MAST4: variants seen among roughly 807,000 people sequenced by gnomAD.
MAST4 encodes the protein microtubule associated serine/threonine kinase family member 4.
MAST4 carries 89 observed loss-of-function variants against 162.7 expected under a neutral mutation model. That is an observed-to-expected ratio of 0.55 (90% CI 0.46 to 0.65). The LOEUF is 0.65. Among genes scored for constraint, MAST4 ranks in the 30% least tolerant of loss-of-function variants. The pLI, the probability that MAST4 is intolerant of heterozygous loss-of-function variation, is 0.00. For synonymous variants in MAST4, 1,479 were observed against 1,361.1 expected (o/e 1.09, Z -1.91); for missense variants, 3,153 against 3,374.0 (o/e 0.93, Z 1.62).
At chr5:66,891,506 T>C (rs459536) in intron 3 of MAST4, among the ~76,000 whole-genome samples, 71,009 of 151,946 alleles carry the variant, frequency 0.47, 16,956 homozygotes, top group East Asian at 0.67. Context: ...TTCCCCTCTT[T>C]AAAATGTTCC....
In MAST4 at chr5:67,166,742, G is replaced by C. The variant is rs369646033; in HGVS notation, c.7563G>C (p.Leu2521=). ...CCCACATGACAAAGAGTGACTCCCTGCCCTCCTTCCGGGTCTCCACCCTGC... is the reference window on the plus strand; with the variant it reads ...CCCACATGACAAAGAGTGACTCCCTCCCCTCCTTCCGGGTCTCCACCCTGC... ...GRTHMTKSDS[L]PSFRVSTLPL... The change falls in exon 29 of 29, where the codon CTG becomes CTC. Residue 2521 remains leucine (L), a synonymous_variant. Transcript: ENST00000403625. 2.4e-5 allele frequency: 38 copies of C among 1,592,350 alleles called. No individual in the cohort carries two copies. The highest frequency in any genetic ancestry group is 1.4e-4 in the Admixed American group (8 of 56,758).
At position 67,145,257 on chromosome 5, in the gene MAST4, C is replaced by A. The variant is rs767103845; in HGVS notation, c.2972C>A (p.Ala991Asp). The change falls in exon 23 of 29, where the codon GCC becomes GAC. Residue 991 changes from alanine to aspartate, a missense_variant. Ala to Asp is a moderately radical substitution (Grantham distance 126). Transcript: ENST00000403625. ...ACAGAGGGAGAGCAAGATGAAGCTG[C>A]CTCCTGCCCTGGAGACCCCCATGAG... Reference protein sequence around the residue: ...ISTEGEQDEAASCPGDPHEEP... With the variant: ...ISTEGEQDEADSCPGDPHEEP... 1.9e-6 allele frequency: 3 copies of A among 1,613,922 alleles called. No individual in the cohort carries two copies.
chr5:66,699,921 A>C (rs1749657091), intron 1 of MAST4, among the ~76,000 whole-genome samples: 1 of 152,184 alleles, frequency 6.6e-6, no homozygotes, highest in African/African-American at 2.4e-5. Flanking sequence ...GGAACTTAAA[A>C]AAAAAAACAA....
chr5:66,994,296 T>G (rs1317100689), intron 4 of MAST4, among the ~76,000 whole-genome samples: 1 of 152,230 alleles, frequency 6.6e-6, no homozygotes, highest in Non-Finnish European at 1.5e-5. Flanking sequence ...TTTTCCAATC[T>G]GGTGTATTTT....
intron 4 of MAST4, among the ~76,000 whole-genome samples, chr5:67,050,561 CTG>C (rs1758049185): frequency 6.6e-6 from 1 of 152,186 alleles, no homozygotes; most frequent in African/African-American, 2.4e-5. Context: ...AGTTATCTTT[CTG>C]TGTCTCATAG....
At chr5:66,782,510 C>G (rs146056336) in intron 2 of MAST4, among the ~76,000 whole-genome samples, 276 of 152,310 alleles carry the variant, frequency 1.8e-3, no homozygotes, top group Non-Finnish European at 2.0e-3. Context: ...CAACCCACAC[C>G]TCTATGGTTG....
At chr5:66,910,047 T>C (rs1763644122) in intron 4 of MAST4, among the ~76,000 whole-genome samples, 1 of 152,192 alleles carries the variant, frequency 6.6e-6, no homozygotes, top group South Asian at 2.1e-4. Flanking sequence ...TATTAGAGCA[T>C]GAGAACAGAC....
intron 4 of MAST4, among the ~76,000 whole-genome samples, chr5:66,927,205 G>C (rs1228076528): frequency 6.6e-6 from 1 of 152,156 alleles, no homozygotes; most frequent in Non-Finnish European, 1.5e-5. Flanking sequence ...GAGATGTTAT[G>C]GAAGCAGAGA....
chr5:66,979,614 G>A (rs1204558121), intron 4 of MAST4, among the ~76,000 whole-genome samples: 2 of 152,164 alleles, frequency 1.3e-5, no homozygotes, highest in African/African-American at 4.8e-5. Context: ...TCTACTACTA[G>A]GATTGGGCTA....
chr5:66,869,790 A>G (rs1760794598), intron 3 of MAST4, among the ~76,000 whole-genome samples: 1 of 152,080 alleles, frequency 6.6e-6, no homozygotes, highest in African/African-American at 2.4e-5. Context: ...CCCTCATCTG[A>G]GGGTCATTTC....
chr5:66,789,748 C>A (rs1341904334), intron 3 of MAST4: 2 of 518,888 alleles, frequency 3.9e-6, no homozygotes, highest in Non-Finnish European at 7.7e-6. Context: ...ACTTTCTCTC[C>A]CACAATCTAT....
At chr5:66,653,542 G>C (rs1377151029) in intron 1 of MAST4, among the ~76,000 whole-genome samples, 1 of 152,134 alleles carries the variant, frequency 6.6e-6, no homozygotes, top group African/African-American at 2.4e-5. Context: ...TTTCTAATCT[G>C]GCCCTTCATA....
intron 4 of MAST4, among the ~76,000 whole-genome samples, chr5:66,922,944 C>T (rs2150051159): frequency 6.6e-6 from 1 of 152,222 alleles, no homozygotes; most frequent in East Asian, 1.9e-4. Context: ...TGTTAAGACC[C>T]CTTCATTTTC....
At chr5:66,940,654 A>C in intron 4 of MAST4, among the ~76,000 whole-genome samples, 1 of 152,034 alleles carries the variant, frequency 6.6e-6, no homozygotes, top group Non-Finnish European at 1.5e-5. Context: ...TTTCTACTAT[A>C]TCTGCAGTTC....
intron 4 of MAST4, among the ~76,000 whole-genome samples, chr5:66,923,891 A>G (rs116236748): frequency 1.2e-4 from 19 of 152,320 alleles, no homozygotes; most frequent in Middle Eastern, 6.8e-3. Flanking sequence ...CTATCATTCA[A>G]TTATTGGGAA....
chr5:66,804,265 A>T (rs1756068278), intron 3 of MAST4, among the ~76,000 whole-genome samples: 1 of 150,382 alleles, frequency 6.6e-6, no homozygotes, highest in Admixed American at 6.6e-5. Context: ...AACTATTAGT[A>T]TAATAGGGCT....
At chr5:67,156,719 G>C (rs771223025) in intron 26 of MAST4, among the ~76,000 whole-genome samples, 5 of 152,252 alleles carry the variant, frequency 3.3e-5, no homozygotes, top group Non-Finnish European at 5.9e-5. Context: ...TGAGGATACA[G>C]TGTGCAAGAT....
intron 3 of MAST4, among the ~76,000 whole-genome samples, chr5:66,855,168 C>A (rs1759585818): frequency 6.6e-6 from 1 of 152,156 alleles, no homozygotes; most frequent in African/African-American, 2.4e-5. Context: ...GGTGGGATCC[C>A]TCATGAATGG....
At position 66,809,773 on chromosome 5, in the gene MAST4, G is replaced by A. The variant is rs111408037; in HGVS notation, c.642+20979G>A. On this transcript the variant is annotated intron_variant, in intron 3 of 28. Coordinates refer to ENST00000403625, the MANE Select transcript of MAST4 (RefSeq NM_001164664.2). The stretch of plus-strand genomic sequence containing the variant: ...GTTTTCTGAGACAGAGTCTTGCTCT[G>A]TCGCCAGGCTGGAGTGCAGTGGTGC... Among the ~76,000 whole-genome samples, 704 of 152,140 alleles carry A rather than the reference G, an allele frequency of 4.6e-3. 8 individuals are homozygous for A. The highest frequency in any genetic ancestry group is 8.3e-3 in the Non-Finnish European group (562 of 67,998).
Sources: allele counts gnomAD v4.1 joint callset (sites outside exome capture counted in the v4.1 genomes callset), GRCh38; gene constraint gnomAD v4.1.1; transcripts MANE v1.5; gene names NCBI Gene and HGNC (gene_info 2026-07-23, HGNC 2026-07-21).